Variants in NCAM2 observed in about 807,000 individuals in gnomAD.
NCAM2 encodes neural cell adhesion molecule 2.
A neutral mutation model predicts 98.1 loss-of-function variants in NCAM2; 30 were observed. The observed-to-expected ratio is 0.31, with a 90% CI of 0.23 to 0.41. The LOEUF is 0.41. Ranked by LOEUF, NCAM2 falls within the 10% of genes least tolerant of loss-of-function variation. NCAM2 has a pLI of 1.00. For missense variants in NCAM2, 867 were observed against 1,005.8 expected (o/e 0.86, Z 1.87); for synonymous variants, 368 against 342.4 (o/e 1.07, Z -0.83).
chr21:21,170,949 T>TAA (rs34740268), intron 1 of NCAM2, among the ~76,000 whole-genome samples: 46 of 151,166 alleles, frequency 3.0e-4, no homozygotes, highest in Admixed American at 6.6e-4. Flanking sequence ...TATTGATTGC[T>TAA]AAAAAAAAAT....
At chr21:21,168,112 C>T (rs533361401) in intron 1 of NCAM2, among the ~76,000 whole-genome samples, 69 of 151,942 alleles carry the variant, frequency 4.5e-4, no homozygotes, top group Non-Finnish European at 8.4e-4. Context: ...ACTTTACAAC[C>T]GAGTGGGACT....
intron 9 of NCAM2, among the ~76,000 whole-genome samples, chr21:21,384,188 A>G (rs1213247479): frequency 6.6e-6 from 1 of 152,056 alleles, no homozygotes; most frequent in African/African-American, 2.4e-5. Context: ...TTCTACTCAT[A>G]TAGAATGAAT....
intron 1 of NCAM2, among the ~76,000 whole-genome samples, chr21:21,081,562 A>C (rs1289983898): frequency 6.6e-6 from 1 of 152,154 alleles, no homozygotes; most frequent in Non-Finnish European, 1.5e-5. Context: ...GCACTTTGGG[A>C]GGCTGAGACA....
chr21:21,122,836 C>T (rs2066703577), intron 1 of NCAM2, among the ~76,000 whole-genome samples: 1 of 152,120 alleles, frequency 6.6e-6, no homozygotes, highest in Non-Finnish European at 1.5e-5. Flanking sequence ...ATCCAGAGTT[C>T]AGAGAGAAAT....
At chr21:21,168,522 C>T (rs1177615793) in intron 1 of NCAM2, among the ~76,000 whole-genome samples, 1 of 152,006 alleles carries the variant, frequency 6.6e-6, no homozygotes, top group African/African-American at 2.4e-5. Context: ...TCACAGATGA[C>T]AGGGGTGTTT....
rs149542285 is a variant in NCAM2, at chr21:21,033,568, C to G, written c.55+34950C>G. ...TTCAGGTGAAATAAATGACCTCCCC[C>G]CCAAAACAATGGCGTGAGACCAAGT... On this transcript the variant is annotated intron_variant, in intron 1 of 17. Transcript: ENST00000400546. Among the ~76,000 whole-genome samples the G allele has an allele frequency of 8.2e-4, 125 of 152,066 alleles. 2 individuals are homozygous for G. The East Asian group carries it at 0.018, about 22-fold the overall frequency.
intron 8 of NCAM2, among the ~76,000 whole-genome samples, chr21:21,358,115 A>G (rs1228659812): frequency 6.6e-6 from 1 of 152,080 alleles, no homozygotes; most frequent in Non-Finnish European, 1.5e-5. Context: ...CAAGATCATC[A>G]ATGTCTAAGA....
chr21:21,236,801 C>T (rs1293120639), intron 1 of NCAM2, among the ~76,000 whole-genome samples: 2 of 150,750 alleles, frequency 1.3e-5, no homozygotes, highest in Non-Finnish European at 3.0e-5. Context: ...CACACGTGTG[C>T]ATTTTACAAA....
intron 10 of NCAM2, among the ~76,000 whole-genome samples, chr21:21,414,760 C>A (rs945103280): frequency 6.6e-6 from 1 of 152,084 alleles, no homozygotes; most frequent in Non-Finnish European, 1.5e-5. Flanking sequence ...TGAGCCACCG[C>A]GCCCGGCCAC....
At chr21:21,474,860 A>G (rs73216068) in intron 14 of NCAM2, among the ~76,000 whole-genome samples, 1,632 of 152,042 alleles carry the variant, frequency 0.011, 15 homozygotes, top group South Asian at 0.039. Flanking sequence ...TATGCTATAC[A>G]TAGCATTTAC....
intron 1 of NCAM2, among the ~76,000 whole-genome samples, chr21:21,027,348 G>A (rs2064571820): frequency 6.6e-6 from 1 of 152,058 alleles, no homozygotes; most frequent in Admixed American, 6.6e-5. Context: ...CATTATGGTA[G>A]CATTATGATA....
At chr21:21,133,377 A>G (rs2066975570) in intron 1 of NCAM2, among the ~76,000 whole-genome samples, 1 of 152,202 alleles carries the variant, frequency 6.6e-6, no homozygotes, top group Non-Finnish European at 1.5e-5. Flanking sequence ...GGCAAAGGGA[A>G]TGAGCACATG....
chr21:21,112,172 T>A (rs894235355), intron 1 of NCAM2, among the ~76,000 whole-genome samples: 1 of 152,198 alleles, frequency 6.6e-6, no homozygotes, highest in Non-Finnish European at 1.5e-5. Context: ...TTTTCCTTTT[T>A]AAAACGGCAT....
At chr21:21,002,898 G>T (rs971098252) in intron 1 of NCAM2, among the ~76,000 whole-genome samples, 2 of 152,040 alleles carry the variant, frequency 1.3e-5, no homozygotes, top group African/African-American at 4.8e-5. Flanking sequence ...CTATTTAAAA[G>T]ATTATAAATT....
chr21:21,228,723 A>G (rs191725122), intron 1 of NCAM2, among the ~76,000 whole-genome samples: 1 of 151,626 alleles, frequency 6.6e-6, no homozygotes, highest in East Asian at 1.9e-4. Flanking sequence ...AACCATCAAT[A>G]TTACTTTGGA....
intron 15 of NCAM2, among the ~76,000 whole-genome samples, chr21:21,505,583 C>T (rs1006354600): frequency 6.6e-6 from 1 of 151,556 alleles, no homozygotes; most frequent in African/African-American, 2.4e-5. Context: ...GCTAACTAGC[C>T]AAACCTGAAT....
intron 10 of NCAM2, among the ~76,000 whole-genome samples, chr21:21,411,031 T>C (rs232458): frequency 0.059 from 4,509 of 76,190 alleles, 335 homozygotes; most frequent in African/African-American, 0.12. Context: ...TATATATATA[T>C]ACACACATAT....
chr21:21,244,449 T>C (rs2147254085), intron 1 of NCAM2, among the ~76,000 whole-genome samples: 1 of 152,306 alleles, frequency 6.6e-6, no homozygotes, highest in Non-Finnish European at 1.5e-5. Flanking sequence ...AATTTTGTTA[T>C]CGATAATACG....
intron 1 of NCAM2, among the ~76,000 whole-genome samples, chr21:21,124,704 CT>C (rs1428589673): frequency 6.6e-6 from 1 of 152,100 alleles, no homozygotes; most frequent in African/African-American, 2.4e-5. Context: ...TCCTAGGCTC[CT>C]TTTCTTTAGT....
Sources: allele counts gnomAD v4.1 joint callset (sites outside exome capture counted in the v4.1 genomes callset), GRCh38; gene constraint gnomAD v4.1.1; transcripts MANE v1.5; gene names NCBI Gene and HGNC (gene_info 2026-07-23, HGNC 2026-07-21).